Variants in TMC5 observed in about 807,000 individuals in gnomAD.
TMC5 encodes transmembrane channel-like protein 5.
In TMC5, 86 loss-of-function variants were observed where a neutral mutation model predicts 110.5. That is an observed-to-expected ratio of 0.78 (90% CI 0.65 to 0.93). TMC5 has a LOEUF of 0.93. TMC5 is among the 40% of genes least tolerant of loss of function. The pLI, the probability that TMC5 is intolerant of heterozygous loss-of-function variation, is 0.00. For missense variants in TMC5, 1,144 were observed against 1,222.8 expected, an observed-to-expected ratio of 0.94 and a Z score of 0.96; for synonymous variants, 455 against 439.5, an observed-to-expected ratio of 1.04 and a Z score of -0.44.
intron 1 of TMC5, among the ~76,000 whole-genome samples, chr16:19,425,105 C>T (rs1217147508): frequency 1.3e-5 from 2 of 152,230 alleles, no homozygotes; most frequent in East Asian, 1.9e-4. Context: ...GAAATTCCAA[C>T]GTTTTAGGAG....
chr16:19,471,581 G>T (rs1316844648), intron 10 of TMC5, among the ~76,000 whole-genome samples: 3 of 152,134 alleles, frequency 2.0e-5, no homozygotes, highest in Admixed American at 6.5e-5. Context: ...CCATTTCAGA[G>T]TCCTCTATGG....
Position 19,477,431 on chromosome 16 carries a change from T to C in TMC5, c.2091-9T>C. On this transcript the variant is annotated splice_polypyrimidine_tract_variant and intron_variant, in intron 12 of 21. Coordinates refer to ENST00000542583, the MANE Select transcript of TMC5 (RefSeq NM_001261841.2). ...GAAGGTAATCATAAATGTTGTCTCT[T>C]CTGTTTAGAAACATCTTTTTGAAAA... is the stretch of plus-strand genomic sequence containing the variant. The C allele has an allele frequency of 6.3e-7, 1 of 1,599,632 alleles. No homozygotes were observed. The highest frequency in any genetic ancestry group is 8.6e-7 in the Non-Finnish European group (1 of 1,166,952).
chr16:19,413,876 T>G (rs550257979), upstream of TMC5, among the ~76,000 whole-genome samples: 29 of 152,222 alleles, frequency 1.9e-4, 1 homozygote, highest in South Asian at 8.3e-4. Flanking sequence ...AACCTCTCTG[T>G]GCTTCAAATG....
chr16:19,460,383 A>G (rs1341941651), intron 6 of TMC5, 49 bp downstream of exon 6: 2 of 1,305,664 alleles, frequency 1.5e-6, no homozygotes, highest in Non-Finnish European at 2.2e-6. Flanking sequence ...GCGAACCTCA[A>G]TCCTCTACTT....
intron 19 of TMC5, 121 bp from the exon 20 acceptor site, chr16:19,494,141 C>A: frequency 1.3e-6 from 1 of 746,174 alleles, no homozygotes; most frequent in Non-Finnish European, 2.3e-6. Flanking sequence ...AACCTCCATC[C>A]AACTTCTAGG....
intron 15 of TMC5, among the ~76,000 whole-genome samples, chr16:19,482,849 CTTATTTAT>C (rs535102307): frequency 2.3e-4 from 35 of 151,834 alleles, no homozygotes; most frequent in Middle Eastern, 3.4e-3. Flanking sequence ...GCTGTGTTTC[CTTATTTAT>C]TTATTTATTT....
At chr16:19,477,369 A>G in intron 12 of TMC5, 71 bp from the exon 13 acceptor site, 1 of 1,170,546 alleles carries the variant, frequency 8.5e-7, no homozygotes, top group African/African-American at 1.5e-5. Context: ...ATGTGCCCCA[A>G]AGGAGCTATT....
intron 15 of TMC5, among the ~76,000 whole-genome samples, chr16:19,485,156 A>G (rs1015325528): frequency 1.5e-5 from 2 of 135,384 alleles, no homozygotes; most frequent in African/African-American, 5.6e-5. Context: ...TTTTAATGCC[A>G]TGGTAGATGA....
At chr16:19,483,506 C>T (rs1014915176) in intron 15 of TMC5, among the ~76,000 whole-genome samples, 3 of 152,122 alleles carry the variant, frequency 2.0e-5, no homozygotes, top group Non-Finnish European at 2.9e-5. Context: ...AGGCCAGGTG[C>T]GGTGGCTCAT....
chr16:19,411,426 G>A (rs1966855568), intron 1 of TMC5: 1 of 152,168 alleles, frequency 6.6e-6, no homozygotes, highest in African/African-American at 2.4e-5. Flanking sequence ...ACGAAATAGG[G>A]TCTCCTGGTC....
chr16:19,494,274 A>T lies in TMC5; in HGVS notation c.2839A>T (p.Lys947Ter). ...TCCTTCTTGGTAGGAGGGCAAAGAT[A>T]AAATGTTCCTGATAGAAAAATTGAT... ...HEQIINEGKD[K>*]MFLIEKLIKL... The change falls in exon 20 of 22, where the codon AAA (lysine) becomes TAA (stop). Residue 947 changes from lysine (K) to a stop codon, truncating the protein, a stop_gained. Transcript: ENST00000542583. LOFTEE classifies it high-confidence loss of function. The T allele has an allele frequency of 6.2e-7, 1 of 1,612,154 alleles. No homozygotes were observed.
chr16:19,488,621 C>T (rs1968809934), intron 17 of TMC5, among the ~76,000 whole-genome samples: 1 of 152,070 alleles, frequency 6.6e-6, no homozygotes, highest in African/African-American at 2.4e-5. Flanking sequence ...CTTTGCTTGG[C>T]TGCCTCCTCT....
chr16:19,413,152 C>G (rs931986618), upstream of TMC5, among the ~76,000 whole-genome samples: 2 of 152,258 alleles, frequency 1.3e-5, no homozygotes, highest in African/African-American at 4.8e-5. Flanking sequence ...CTCATCTAGA[C>G]AGTCACCTTG....
intron 9 of TMC5, among the ~76,000 whole-genome samples, chr16:19,467,859 C>T (rs1465300185): frequency 6.6e-6 from 1 of 152,104 alleles, no homozygotes; most frequent in Admixed American, 6.5e-5. Context: ...CTTCAACATA[C>T]GAATTTTGGG....
intron 5 of TMC5, among the ~76,000 whole-genome samples, chr16:19,450,554 A>G (rs1240626311): frequency 6.6e-6 from 1 of 152,100 alleles, no homozygotes; most frequent in East Asian, 1.9e-4. Context: ...GACCTCATTC[A>G]TCTCCGTCAG....
intron 15 of TMC5, among the ~76,000 whole-genome samples, chr16:19,484,798 T>G (rs1410380249): frequency 6.6e-6 from 1 of 151,230 alleles, no homozygotes; most frequent in Non-Finnish European, 1.5e-5. Flanking sequence ...AAATTACCAT[T>G]ATGACTTCTG....
At position 19,498,366 on chromosome 16, in the gene TMC5, T is replaced by C. The variant is rs576111374; in HGVS notation, c.*400T>C. 1.4e-3 allele frequency: 272 copies of C among 198,820 alleles called. No individual in the cohort carries two copies. The highest frequency in any genetic ancestry group is 5.4e-3 in the African/African-American group (226 of 42,098). 12.3% of individuals were successfully genotyped at this position (198,820 alleles called of 1,614,324 possible). On this transcript the variant is annotated 3_prime_UTR_variant, in exon 22 of 22. Coordinates refer to ENST00000542583, the MANE Select transcript of TMC5 (RefSeq NM_001261841.2). ...GTTTAGAAACTGTTGCTAAGAAAAG[T>C]GGTCCATCCTGAATAAACATGTAAT... is the stretch of plus-strand genomic sequence containing the variant.
chr16:19,470,185 C>T (rs1298622385), intron 10 of TMC5, among the ~76,000 whole-genome samples: 1 of 142,406 alleles, frequency 7.0e-6, no homozygotes, highest in Non-Finnish European at 1.5e-5. Flanking sequence ...TAAGCCACCG[C>T]GCCCAGCTGT....
chr16:19,450,213 G>A lies in TMC5; in HGVS notation c.1048+582G>A, dbSNP rs1011851520. 2.0e-5 allele frequency among the ~76,000 whole-genome samples: 3 copies of A among 152,184 alleles called. No individual in the cohort carries two copies. In the East Asian group the frequency reaches 5.8e-4, roughly 29 times the overall value. ...TTCATTAGGAATCTTCTGGTTGCAAGTGACAGAAACCCAACTCAAACAGGC... is the reference window on the plus strand; with the variant it reads ...TTCATTAGGAATCTTCTGGTTGCAAATGACAGAAACCCAACTCAAACAGGC... On this transcript the variant is annotated intron_variant, in intron 5 of 21. Coordinates refer to ENST00000542583, the MANE Select transcript of TMC5 (RefSeq NM_001261841.2).
Sources: gnomAD v4.1 joint callset for allele counts (sites outside exome capture counted in the v4.1 genomes callset) on GRCh38, gnomAD v4.1.1 for gene constraint, MANE v1.5 for transcripts, NCBI Gene and HGNC (gene_info 2026-07-23, HGNC 2026-07-21) for gene names.